Variants in CDCA2 observed in about 807,000 individuals in gnomAD.
CDCA2 encodes the protein cell division cycle associated 2.
Under a neutral mutation model 67.0 loss-of-function variants are expected in CDCA2, and 44 were observed. The ratio of observed to expected loss-of-function variants is 0.66; its 90% confidence interval spans 0.52 to 0.84. The LOEUF (loss-of-function observed/expected upper bound fraction) is 0.84. Among genes scored for constraint, CDCA2 ranks in the 40% least tolerant of loss-of-function variants. CDCA2 has a pLI of 0.00. For missense variants in CDCA2, 1,253 were observed against 1,203.2 expected, an observed-to-expected ratio of 1.04 and a Z score of -0.61; for synonymous variants, 447 against 418.7, an observed-to-expected ratio of 1.07 and a Z score of -0.82.
At chr8:25,492,333 G>A (rs375029463) in intron 13 of CDCA2, among the ~76,000 whole-genome samples, 6 of 152,222 alleles carry the variant, frequency 3.9e-5, no homozygotes, top group South Asian at 2.1e-4. Context: ...AGGACACAAC[G>A]GATCTAACAA....
chr8:25,476,697 G>A (rs1300570566), intron 7 of CDCA2, among the ~76,000 whole-genome samples: 1 of 151,866 alleles, frequency 6.6e-6, no homozygotes, highest in African/African-American at 2.4e-5. Flanking sequence ...GGGACTACAG[G>A]TGCCCGCCAC....
At chr8:25,485,900 TTTTG>T (rs1279332127) in intron 11 of CDCA2, 63 bp downstream of exon 11, 14 of 954,088 alleles carry the variant, frequency 1.5e-5, no homozygotes, top group Non-Finnish European at 2.2e-5. Context: ...TGTTGATTAT[TTTTG>T]TTTTCTTTTA....
At chr8:25,494,057 G>T (rs1431751523) in intron 13 of CDCA2, among the ~76,000 whole-genome samples, 1 of 152,220 alleles carries the variant, frequency 6.6e-6, no homozygotes, top group Admixed American at 6.5e-5. Context: ...GTATTAGGCA[G>T]CTGTAGAAAG....
In CDCA2 at chr8:25,507,070, A is replaced by G. The variant is rs773711614; in HGVS notation, c.2404A>G (p.Lys802Glu). The G allele has an allele frequency of 6.2e-7, 1 of 1,614,070 alleles. No homozygotes were observed. The highest frequency in any genetic ancestry group is 8.5e-7 in the Non-Finnish European group (1 of 1,180,002). The change falls in exon 15 of 15, where the codon AAA (lysine) becomes GAA (glutamate). Residue 802 changes from lysine (K) to glutamate (E), a missense_variant. Transcript: ENST00000330560. ...CLGDVLIENT[K>E]ESKSQSEDLG... ...AGGAGATGTCTTAATTGAAAATACG[A>G]AAGAATCTAAAAGCCAGAGTGAGGA...
chr8:25,500,538 ACT>A (rs1315717977), intron 13 of CDCA2, among the ~76,000 whole-genome samples: 3 of 151,914 alleles, frequency 2.0e-5, no homozygotes, highest in Non-Finnish European at 4.4e-5. Context: ...AAAAAGGGTC[ACT>A]CTGTTGCCCA....
intron 7 of CDCA2, 105 bp from the exon 8 acceptor site, chr8:25,479,808 T>A (rs1803495956): frequency 9.4e-7 from 1 of 1,064,400 alleles, no homozygotes; most frequent in Non-Finnish European, 1.4e-6. Flanking sequence ...TAGGTTTGAA[T>A]TTCTTCATAG....
intron 13 of CDCA2, among the ~76,000 whole-genome samples, chr8:25,495,421 C>CTT (rs10674772): frequency 0.27 from 39,529 of 148,024 alleles, 5,244 homozygotes; most frequent in East Asian, 0.3. Flanking sequence ...TGGGATAAAT[C>CTT]TTTTTTTTTT....
chr8:25,472,542 C>T (rs1481138732), intron 7 of CDCA2, among the ~76,000 whole-genome samples: 3 of 152,182 alleles, frequency 2.0e-5, no homozygotes, highest in African/African-American at 4.8e-5. Context: ...TGAGCCACCA[C>T]ACCTGGACTG....
At chr8:25,476,829 C>T (rs1803370190) in intron 7 of CDCA2, among the ~76,000 whole-genome samples, 1 of 152,176 alleles carries the variant, frequency 6.6e-6, no homozygotes, top group South Asian at 2.1e-4. Flanking sequence ...GCTGGAATTA[C>T]AGGCATGAGC....
chr8:25,479,774 C>T (rs530222556), intron 7 of CDCA2, 139 bp from the exon 8 acceptor site: 263 of 730,844 alleles, frequency 3.6e-4, no homozygotes, highest in Non-Finnish European at 5.3e-4. Context: ...AAATCCCAGA[C>T]GTTACTGCCC....
At chr8:25,461,501 G>A (rs542286547) in intron 3 of CDCA2, among the ~76,000 whole-genome samples, 137 of 152,256 alleles carry the variant, frequency 9.0e-4, no homozygotes, top group African/African-American at 3.1e-3. Flanking sequence ...AAAGTGGCAC[G>A]CCACCCTAAC....
At chr8:25,489,566 A>C (rs1048256089) in intron 13 of CDCA2, among the ~76,000 whole-genome samples, 2 of 152,118 alleles carry the variant, frequency 1.3e-5, no homozygotes, top group African/African-American at 4.8e-5. Flanking sequence ...GGAGTTGGGG[A>C]TAGTACTACT....
chr8:25,507,755 A>T lies in CDCA2; in HGVS notation c.*17A>T. ...AAGCAGTAATTGACATTTCCTGCAG[A>T]GTCTGTGGCAAGAGGGAAAGTAACC... is the stretch of plus-strand genomic sequence containing the variant. On this transcript the variant is annotated 3_prime_UTR_variant, in exon 15 of 15. Transcript: ENST00000330560. The T allele has an allele frequency of 6.3e-7, 1 of 1,597,304 alleles. No homozygotes were observed.
intron 9 of CDCA2, 96 bp from the exon 10 acceptor site, chr8:25,483,870 C>T: frequency 1.8e-6 from 2 of 1,085,682 alleles, no homozygotes; most frequent in Non-Finnish European, 2.7e-6. Flanking sequence ...CAAATAATAG[C>T]TGAATATTAT....
chr8:25,500,351 C>T (rs1025367514), intron 13 of CDCA2, among the ~76,000 whole-genome samples: 2 of 150,282 alleles, frequency 1.3e-5, no homozygotes, highest in African/African-American at 2.5e-5. Context: ...TGGGTCTATG[C>T]CCTACAATAA....
chr8:25,504,674 G>A (rs1804608340), intron 14 of CDCA2, among the ~76,000 whole-genome samples: 1 of 152,062 alleles, frequency 6.6e-6, no homozygotes, highest in Non-Finnish European at 1.5e-5. Flanking sequence ...TGTCGCATAC[G>A]CCCTGGCTCA....
intron 9 of CDCA2, 47 bp from the exon 10 acceptor site, chr8:25,483,919 A>T: frequency 6.5e-7 from 1 of 1,528,982 alleles, no homozygotes; most frequent in Non-Finnish European, 9.0e-7. Flanking sequence ...TTAGATAAGA[A>T]ATATAGCTTA....
chr8:25,479,461 G>A (rs1331119771), intron 7 of CDCA2, among the ~76,000 whole-genome samples: 1 of 152,134 alleles, frequency 6.6e-6, no homozygotes. Context: ...TTTATAGTTT[G>A]GTGTGATGAT....
chr8:25,470,025 G>A, intron 7 of CDCA2, 45 bp downstream of exon 7: 1 of 1,310,624 alleles, frequency 7.6e-7, no homozygotes, highest in East Asian at 2.3e-5. Context: ...CCGATTCATA[G>A]ACATTTATGA....
Sources: allele counts gnomAD v4.1 joint callset (sites outside exome capture counted in the v4.1 genomes callset), GRCh38; gene constraint gnomAD v4.1.1; transcripts MANE v1.5; gene names NCBI Gene and HGNC (gene_info 2026-07-23, HGNC 2026-07-21).